MEMO1: variants seen among roughly 807,000 people sequenced by gnomAD.
MEMO1 encodes protein MEMO1.
In MEMO1, 6 loss-of-function variants were observed where a neutral mutation model predicts 45.2. The observed-to-expected ratio is 0.13, with a 90% CI of 0.07 to 0.26. The LOEUF (loss-of-function observed/expected upper bound fraction) is 0.26, where lower values mean the gene tolerates loss of function less well. MEMO1 is among the 10% of genes least tolerant of loss of function. The pLI is 1.00. For synonymous variants in MEMO1, 78 were observed against 124.3 expected, an observed-to-expected ratio of 0.63 and a Z score of 2.48; for missense variants, 184 against 370.5, an observed-to-expected ratio of 0.50 and a Z score of 4.13.
At chr2:31,996,232 GAGAA>G (rs907460711) in intron 2 of MEMO1, among the ~76,000 whole-genome samples, 28 of 151,074 alleles carry the variant, frequency 1.9e-4, no homozygotes, top group Admixed American at 1.8e-3. Flanking sequence ...GAGAGAGAGA[GAGAA>G]AGAAACAATG....
chr2:31,912,968 T>A (rs1572658696), intron 6 of MEMO1, among the ~76,000 whole-genome samples: 4 of 152,186 alleles, frequency 2.6e-5, no homozygotes, highest in Admixed American at 2.6e-4. Flanking sequence ...CTCTAATGAA[T>A]ACAATTTTTA....
intron 2 of MEMO1, among the ~76,000 whole-genome samples, chr2:32,003,010 T>C (rs1238880920): frequency 6.6e-6 from 1 of 152,242 alleles, no homozygotes; most frequent in Non-Finnish European, 1.5e-5. Context: ...CATAAAATAA[T>C]TCACTTCGAA....
intron 2 of MEMO1, among the ~76,000 whole-genome samples, chr2:31,977,282 G>T (rs984203202): frequency 1.3e-5 from 2 of 152,108 alleles, no homozygotes; most frequent in African/African-American, 4.8e-5. Flanking sequence ...TTTCTGTGTA[G>T]ACAGACAGTC....
chr2:32,004,451 T>C (rs1245390009), intron 2 of MEMO1, among the ~76,000 whole-genome samples: 2 of 151,912 alleles, frequency 1.3e-5, no homozygotes, highest in Non-Finnish European at 2.9e-5. Context: ...ATCAGGAAAA[T>C]ATGAATTAAA....
At chr2:31,956,759 G>A (rs919677175) in intron 2 of MEMO1, among the ~76,000 whole-genome samples, 3 of 152,104 alleles carry the variant, frequency 2.0e-5, no homozygotes, top group African/African-American at 2.4e-5. Flanking sequence ...ACAACAGAAG[G>A]TACAATACGT....
chr2:31,969,574 G>T (rs6543645), intron 2 of MEMO1, among the ~76,000 whole-genome samples: 2,848 of 110,672 alleles, frequency 0.026, 100 homozygotes, highest in African/African-American at 0.086. Flanking sequence ...CTTTTCTGGG[G>T]GTGTGTGTGT....
intron 6 of MEMO1, among the ~76,000 whole-genome samples, chr2:31,900,063 A>C (rs955408418): frequency 2.6e-5 from 4 of 152,202 alleles, no homozygotes; most frequent in African/African-American, 9.6e-5. Context: ...GAAACAGGAA[A>C]GCTTTTACAC....
At chr2:31,914,566 T>C (rs999734389) in intron 6 of MEMO1, among the ~76,000 whole-genome samples, 3 of 152,176 alleles carry the variant, frequency 2.0e-5, no homozygotes, top group East Asian at 1.9e-4. Flanking sequence ...GTGATTATTT[T>C]ACACTGCATG....
intron 8 of MEMO1, among the ~76,000 whole-genome samples, chr2:31,876,121 C>A (rs1476731829): frequency 6.6e-6 from 1 of 152,038 alleles, no homozygotes; most frequent in Non-Finnish European, 1.5e-5. Context: ...CAATTATTAC[C>A]CTATATTATC....
chr2:31,878,181 C>A (rs1035815412), intron 8 of MEMO1, among the ~76,000 whole-genome samples: 5 of 152,062 alleles, frequency 3.3e-5, no homozygotes, highest in African/African-American at 1.2e-4. Flanking sequence ...ATGACATTAT[C>A]AAGGCACAGT....
intron 2 of MEMO1, among the ~76,000 whole-genome samples, chr2:31,998,695 GA>G (rs910933686): frequency 6.6e-6 from 1 of 151,894 alleles, no homozygotes; most frequent in Admixed American, 6.6e-5. Flanking sequence ...AGCTACTCGG[GA>G]GGCTGAGACA....
At chr2:31,955,672 G>T (rs1397501645) in intron 2 of MEMO1, among the ~76,000 whole-genome samples, 1 of 151,884 alleles carries the variant, frequency 6.6e-6, no homozygotes, top group African/African-American at 2.4e-5. Flanking sequence ...GCAATGGGGC[G>T]ATCTCGGCTC....
chr2:31,935,668 T>A (rs1048431281), intron 3 of MEMO1, among the ~76,000 whole-genome samples: 2 of 152,172 alleles, frequency 1.3e-5, no homozygotes, highest in African/African-American at 4.8e-5. Flanking sequence ...ATTTCCTTTA[T>A]CCTCGCCCAG....
At chr2:32,007,677 A>G (rs564598000) in intron 2 of MEMO1, among the ~76,000 whole-genome samples, 18 of 152,314 alleles carry the variant, frequency 1.2e-4, no homozygotes, top group African/African-American at 4.1e-4. Context: ...ACAATCCACA[A>G]ACACCTCTCC....
At chr2:32,007,831 T>C (rs1345500415) in intron 2 of MEMO1, among the ~76,000 whole-genome samples, 1 of 152,234 alleles carries the variant, frequency 6.6e-6, no homozygotes, top group Non-Finnish European at 1.5e-5. Context: ...AGTCGAAGTT[T>C]ACTTATCTGT....
At chr2:31,916,394 A>C (rs986484391) in intron 6 of MEMO1, among the ~76,000 whole-genome samples, 8 of 151,888 alleles carry the variant, frequency 5.3e-5, no homozygotes, top group Admixed American at 4.6e-4. Context: ...ACACACCGCT[A>C]ATTTTTCTAT....
chr2:31,905,549 A>C (rs1377062554), intron 6 of MEMO1, among the ~76,000 whole-genome samples: 5 of 152,224 alleles, frequency 3.3e-5, no homozygotes, highest in African/African-American at 4.8e-5. Context: ...TGAAGCTACT[A>C]TGAAGCAACA....
chr2:31,980,005 A>T (rs560035733), intron 2 of MEMO1, among the ~76,000 whole-genome samples: 29 of 147,660 alleles, frequency 2.0e-4, no homozygotes, highest in Admixed American at 3.4e-4. Flanking sequence ...AAACTGTCTT[A>T]ATTTAAAAAA....
intron 2 of MEMO1, among the ~76,000 whole-genome samples, chr2:31,960,485 G>A (rs925986026): frequency 1.3e-5 from 2 of 152,058 alleles, no homozygotes; most frequent in Non-Finnish European, 2.9e-5. Flanking sequence ...CACAAAATAT[G>A]ATTAAGAACT....
Sources: allele counts gnomAD v4.1 joint callset (sites outside exome capture counted in the v4.1 genomes callset), GRCh38; gene constraint gnomAD v4.1.1; transcripts MANE v1.5; gene names NCBI Gene and HGNC (gene_info 2026-07-23, HGNC 2026-07-21).